The following GMDS variants were observed in gnomAD, a reference collection of about 807,000 sequenced individuals.
GMDS encodes GDP-mannose 4,6-dehydratase, also known as GDP-mannose 4,6 dehydratase.
In GMDS, 20 loss-of-function variants were observed where a neutral mutation model predicts 49.9. The observed-to-expected ratio is 0.40, with a 90% CI of 0.28 to 0.58. GMDS has a LOEUF of 0.58. GMDS is among the 20% of genes least tolerant of loss of function. The probability of loss-of-function intolerance (pLI) is 0.42; values close to 1 mark genes in which losing one functional copy is unlikely to be tolerated. For missense variants in GMDS, 362 were observed against 481.4 expected, an observed-to-expected ratio of 0.75 and a Z score of 2.32; for synonymous variants, 177 against 178.6, an observed-to-expected ratio of 0.99 and a Z score of 0.07.
intron 9 of GMDS, among the ~76,000 whole-genome samples, chr6:1,678,728 T>C (rs1183218844): frequency 6.6e-6 from 1 of 152,214 alleles, no homozygotes; most frequent in Admixed American, 6.5e-5. Context: ...AAATAAACTT[T>C]GTAATTATCT....
intron 4 of GMDS, among the ~76,000 whole-genome samples, chr6:2,091,565 G>C (rs1046708113): frequency 6.6e-6 from 1 of 152,162 alleles, no homozygotes; most frequent in Non-Finnish European, 1.5e-5. Flanking sequence ...CCTAGTATAA[G>C]ATGCTTAATT....
rs543821148 is a variant in GMDS, at chr6:1,993,672, T to C, written c.346-32706A>G. Among the ~76,000 whole-genome samples the C allele has an allele frequency of 6.0e-4, 92 of 152,176 alleles. 1 individual carries two copies. Among genetic ancestry groups the C allele is most frequent in the Admixed American group, 5.8e-3 (88 of 15,278 alleles). ...TCACAAAGCTCTATTTTATAAATGT[T>C]TGCAGAGCTTTAAGTTAATCCTAAC... On this transcript the variant is annotated intron_variant, in intron 4 of 10. Transcript: ENST00000380815.
intron 7 of GMDS, among the ~76,000 whole-genome samples, chr6:1,791,504 A>T (rs1212278799): frequency 1.3e-5 from 2 of 152,158 alleles, no homozygotes; most frequent in East Asian, 3.9e-4. Context: ...TCTTGAACTC[A>T]TCTAAACCTA....
chr6:2,062,443 A>G (rs183126853), intron 4 of GMDS, among the ~76,000 whole-genome samples: 1 of 152,318 alleles, frequency 6.6e-6, no homozygotes, highest in East Asian at 1.9e-4. Context: ...GGGATCCCAT[A>G]CACTTAAGAT....
At chr6:2,124,609 C>T (rs369348659) in intron 2 of GMDS, 78 bp downstream of exon 2, 66 of 1,019,368 alleles carry the variant, frequency 6.5e-5, no homozygotes, top group African/African-American at 3.7e-4. Flanking sequence ...CTCAGGAGGA[C>T]GGCAGCAGAG....
At chr6:2,200,332 T>G (rs1359400039) in intron 1 of GMDS, among the ~76,000 whole-genome samples, 7 of 151,892 alleles carry the variant, frequency 4.6e-5, no homozygotes, top group Non-Finnish European at 4.4e-5. Flanking sequence ...GAACACCACA[T>G]GCACATCCGA....
chr6:2,074,997 T>C (rs1772243740), intron 4 of GMDS, among the ~76,000 whole-genome samples: 1 of 152,208 alleles, frequency 6.6e-6, no homozygotes, highest in Non-Finnish European at 1.5e-5. Context: ...TGTTCCACTG[T>C]TCTATATAAC....
intron 7 of GMDS, among the ~76,000 whole-genome samples, chr6:1,785,386 T>C (rs1024620763): frequency 2.0e-5 from 3 of 152,206 alleles, no homozygotes; most frequent in African/African-American, 7.2e-5. Context: ...AGACCACCAT[T>C]TCCTATGGTC....
intron 1 of GMDS, among the ~76,000 whole-genome samples, chr6:2,220,497 T>C (rs1368637541): frequency 2.0e-5 from 3 of 152,234 alleles, no homozygotes; most frequent in African/African-American, 7.2e-5. Flanking sequence ...ATACGTAGCA[T>C]ATAAATTCAG....
chr6:1,659,021 TGA>T (rs1197032699), intron 9 of GMDS, among the ~76,000 whole-genome samples: 1 of 152,208 alleles, frequency 6.6e-6, no homozygotes, highest in Non-Finnish European at 1.5e-5. Flanking sequence ...GATGGCCTTC[TGA>T]GAGTGGAAAA....
intron 9 of GMDS, among the ~76,000 whole-genome samples, chr6:1,637,054 G>T (rs1763176842): frequency 1.3e-5 from 2 of 152,238 alleles, no homozygotes; most frequent in Non-Finnish European, 1.5e-5. Context: ...GTGCCTCCTA[G>T]CCCAGCGCCA....
At chr6:1,781,064 C>T (rs941750572) in intron 7 of GMDS, among the ~76,000 whole-genome samples, 28 of 152,072 alleles carry the variant, frequency 1.8e-4, no homozygotes, top group African/African-American at 3.6e-4. Context: ...CCCAAGCGCT[C>T]GCCTTAAGTG....
In GMDS at chr6:1,878,229, G is replaced by T. The variant is rs574665263; in HGVS notation, c.771+51874C>A. ...ACTTGGGAGGCTGAGGCAGGAGAACGGCATGAACCTGGGAGGCGGAGCTTG... is the reference window on the plus strand; with the variant it reads ...ACTTGGGAGGCTGAGGCAGGAGAACTGCATGAACCTGGGAGGCGGAGCTTG... On this transcript the variant is annotated intron_variant, in intron 7 of 10. Coordinates refer to ENST00000380815, the MANE Select transcript of GMDS (RefSeq NM_001500.4). Among the ~76,000 whole-genome samples, 9 of 150,028 alleles carry T rather than the reference G, an allele frequency of 6.0e-5. No individual in the cohort carries two copies. The Admixed American group carries it at 6.0e-4, about 10-fold the overall frequency.
chr6:1,644,902 G>A (rs1046931609), intron 9 of GMDS, among the ~76,000 whole-genome samples: 6 of 150,934 alleles, frequency 4.0e-5, no homozygotes, highest in Non-Finnish European at 7.4e-5. Context: ...GAAGTGGGGT[G>A]TATCAGGATG....
intron 4 of GMDS, among the ~76,000 whole-genome samples, chr6:2,060,789 G>T (rs990601438): frequency 3.9e-5 from 6 of 152,112 alleles, no homozygotes; most frequent in Admixed American, 2.0e-4. Context: ...CAGCACTTTG[G>T]GAGGCCGAGG....
chr6:2,054,349 G>C (rs1770658728), intron 4 of GMDS, among the ~76,000 whole-genome samples: 1 of 151,864 alleles, frequency 6.6e-6, no homozygotes, highest in Non-Finnish European at 1.5e-5. Flanking sequence ...ACTAGCTAAG[G>C]GCATCTGAGA....
At chr6:2,182,080 T>C (rs1259011289) in intron 1 of GMDS, among the ~76,000 whole-genome samples, 1 of 152,244 alleles carries the variant, frequency 6.6e-6, no homozygotes, top group Non-Finnish European at 1.5e-5. Context: ...GAAACAGCCT[T>C]ACTGCTGATG....
intron 1 of GMDS, among the ~76,000 whole-genome samples, chr6:2,196,418 C>G (rs922935886): frequency 2.6e-5 from 4 of 152,204 alleles, no homozygotes; most frequent in Non-Finnish European, 5.9e-5. Flanking sequence ...CACAAGTCTA[C>G]TTGGAAGCAC....
chr6:1,918,723 T>C (rs1444817822), intron 7 of GMDS, among the ~76,000 whole-genome samples: 1 of 152,294 alleles, frequency 6.6e-6, no homozygotes, highest in South Asian at 2.1e-4. Flanking sequence ...CACTCCAGTA[T>C]GGGTGACAGA....
Sources: gnomAD v4.1 joint callset for allele counts (sites outside exome capture counted in the v4.1 genomes callset) on GRCh38, gnomAD v4.1.1 for gene constraint, MANE v1.5 for transcripts, NCBI Gene and HGNC (gene_info 2026-07-23, HGNC 2026-07-21) for gene names.